The following ZNF410 variants were observed in gnomAD, a reference collection of about 807,000 sequenced individuals.
ZNF410 encodes the protein another partner for ARF 1.
Under a neutral mutation model 54.8 loss-of-function variants are expected in ZNF410, and 18 were observed. That is an observed-to-expected ratio of 0.33 (90% CI 0.23 to 0.49). The LOEUF is 0.49. ZNF410 is among the 20% of genes least tolerant of loss of function. ZNF410 has a pLI of 0.99. For synonymous variants in ZNF410, 191 were observed against 207.3 expected (o/e 0.92, Z 0.68); for missense variants, 405 against 569.6 (o/e 0.71, Z 2.94).
intron 9 of ZNF410, chr14:73,921,324 T>C (rs536880629): frequency 2.7e-4 from 125 of 462,204 alleles, no homozygotes; most frequent in Middle Eastern, 1.8e-3. Context: ...CGCCCACCAA[T>C]AAAACAAAGC....
At chr14:73,900,414 G>A (rs967165051) in intron 5 of ZNF410, among the ~76,000 whole-genome samples, 13 of 145,872 alleles carry the variant, frequency 8.9e-5, no homozygotes, top group African/African-American at 3.1e-4. Flanking sequence ...TCAGTCTGTC[G>A]CCCAGGCTGG....
chr14:73,900,951 T>C (rs1211212891), intron 5 of ZNF410, among the ~76,000 whole-genome samples: 1 of 152,234 alleles, frequency 6.6e-6, no homozygotes, highest in Non-Finnish European at 1.5e-5. Flanking sequence ...TTGGACACCC[T>C]TGCACTAACA....
At chr14:73,928,352 G>A (rs2055864506) in intron 11 of ZNF410, among the ~76,000 whole-genome samples, 1 of 152,098 alleles carries the variant, frequency 6.6e-6, no homozygotes, top group Non-Finnish European at 1.5e-5. Flanking sequence ...ATAGGGTTGA[G>A]TGTGATGGGA....
chr14:73,892,885 C>G (rs2055253762), intron 2 of ZNF410, among the ~76,000 whole-genome samples: 1 of 152,166 alleles, frequency 6.6e-6, no homozygotes, highest in Admixed American at 6.6e-5. Flanking sequence ...TCAAGACCAT[C>G]CTGCCTAACA....
At chr14:73,924,671 C>A (rs1312063304) in intron 11 of ZNF410, 1 of 445,818 alleles carries the variant, frequency 2.2e-6, no homozygotes, top group Non-Finnish European at 4.5e-6. Flanking sequence ...GTCTTTTCTC[C>A]TCTTTTCTTT....
chr14:73,901,257 A>T (rs1012873276), intron 5 of ZNF410, among the ~76,000 whole-genome samples: 4 of 152,214 alleles, frequency 2.6e-5, no homozygotes, highest in Non-Finnish European at 5.9e-5. Flanking sequence ...TACTATGGCA[A>T]AGCTGAGTAG....
chr14:73,923,633 G>A lies in ZNF410; in HGVS notation c.1398+111G>A, dbSNP rs530054935. 119 of 1,403,480 alleles carry A rather than the reference G, an allele frequency of 8.5e-5. 2 individuals carry two copies. In the South Asian group the frequency reaches 1.4e-3, roughly 16 times the overall value. The allele number at this position is 1,403,480 out of a possible 1,614,324, so 86.9% of individuals were successfully genotyped here. On this transcript the variant is annotated intron_variant, in intron 11 of 11. Coordinates refer to ENST00000555044, the MANE Select transcript of ZNF410 (RefSeq NM_021188.3). The stretch of plus-strand genomic sequence containing the variant: ...TTCCATTTCCTGGAAACTTTGGCAC[G>A]AATATTTTCCTTTAAATTAAGCATG...
At chr14:73,909,480 A>G (rs754892901) in intron 8 of ZNF410, 50 bp downstream of exon 8, 1 of 1,506,200 alleles carries the variant, frequency 6.6e-7, no homozygotes, top group Non-Finnish European at 9.2e-7. Flanking sequence ...AGACAAAAGA[A>G]TAAAAGGGTT....
intron 8 of ZNF410, chr14:73,920,653 A>G: frequency 4.2e-6 from 1 of 238,420 alleles, no homozygotes; most frequent in South Asian, 6.4e-5. Flanking sequence ...CACATGTCCT[A>G]GAGGTCCATG....
At chr14:73,911,409 G>T (rs781041827) in intron 8 of ZNF410, among the ~76,000 whole-genome samples, 3 of 152,210 alleles carry the variant, frequency 2.0e-5, no homozygotes, top group Non-Finnish European at 2.9e-5. Context: ...TGCAGCAGGA[G>T]CAAGGAAGTT....
chr14:73,889,408 C>T (rs1007854834), intron 1 of ZNF410, among the ~76,000 whole-genome samples: 2 of 134,794 alleles, frequency 1.5e-5, no homozygotes, highest in Admixed American at 8.5e-5. Context: ...CTCCAGCCTG[C>T]GTGACAGAGC....
chr14:73,906,502 A>G (rs1451222484), intron 7 of ZNF410: 1 of 151,746 alleles, frequency 6.6e-6, no homozygotes, highest in Non-Finnish European at 1.5e-5. Context: ...TATTTTTGAG[A>G]CGGAGTCTCA....
chr14:73,923,268 G>A, intron 10 of ZNF410, 127 bp from the exon 11 acceptor site: 1 of 1,100,650 alleles, frequency 9.1e-7, no homozygotes, highest in Non-Finnish European at 1.2e-6. Flanking sequence ...GATTAACTTG[G>A]AAGAAATAGA....
In ZNF410 at chr14:73,932,092, C is replaced by G. The variant is rs1303346968; in HGVS notation, c.*551C>G. 1 of 452,456 alleles carries G rather than the reference C, an allele frequency of 2.2e-6. No individual in the cohort carries two copies. The highest frequency in any genetic ancestry group is 4.5e-6 in the Non-Finnish European group (1 of 224,120). The allele number at this position is 452,456 out of a possible 1,614,324, so 28.0% of individuals were successfully genotyped here. ...CTGCAAAAAAATAAATTACTTGAAT[C>G]TCCCCTTGGCCCAGGCTGAGGTACT... On this transcript the variant is annotated 3_prime_UTR_variant, in exon 12 of 12. Coordinates refer to ENST00000555044, the MANE Select transcript of ZNF410 (RefSeq NM_021188.3).
At position 73,886,871 on chromosome 14, in the gene ZNF410, A is replaced by T. The variant is rs1403600384; in HGVS notation, c.-194A>T. 6.5e-6 allele frequency: 1 copy of T among 152,808 alleles called. No homozygotes were observed. The highest frequency in any genetic ancestry group is 2.4e-5 in the African/African-American group (1 of 41,442). The allele number at this position is 152,808 out of a possible 1,614,324, so 9.5% of individuals were successfully genotyped here. ...GCCGGAAGACGCTGTGTGTGGACGGAATTCGGGACCGACTGACGGCCGGCC... is the reference window on the plus strand; with the variant it reads ...GCCGGAAGACGCTGTGTGTGGACGGTATTCGGGACCGACTGACGGCCGGCC... On this transcript the variant is annotated 5_prime_UTR_variant, in exon 1 of 12. Transcript: ENST00000555044.
intron 7 of ZNF410, among the ~76,000 whole-genome samples, chr14:73,908,284 C>T (rs2055523114): frequency 6.6e-6 from 1 of 152,196 alleles, no homozygotes; most frequent in African/African-American, 2.4e-5. Flanking sequence ...CATGCCATTA[C>T]ATTCTTATGT....
intron 3 of ZNF410, among the ~76,000 whole-genome samples, chr14:73,894,672 C>T (rs1185930063): frequency 6.6e-6 from 1 of 152,120 alleles, no homozygotes; most frequent in Admixed American, 6.6e-5. Context: ...AGTGATCAGT[C>T]CGCCTTGGCC....
Position 73,931,620 on chromosome 14 carries a change from C to A in ZNF410, c.*79C>A. 2 of 1,309,144 alleles carry A rather than the reference C, an allele frequency of 1.5e-6. No homozygotes were observed. Among genetic ancestry groups the A allele is most frequent in the Admixed American group, 1.9e-5 (1 of 52,470 alleles). The allele number at this position is 1,309,144 out of a possible 1,614,324, so 81.1% of individuals were successfully genotyped here. A position where few individuals can be genotyped will look rare whatever the true frequency, so the allele number is the denominator to read the frequency against. ...ACTGGGAACAGGATGCCTTAGCCCA[C>A]AACAGAACCAGAATGAATCTTTGAA... is the stretch of plus-strand genomic sequence containing the variant. On this transcript the variant is annotated 3_prime_UTR_variant, in exon 12 of 12. Coordinates refer to ENST00000555044, the MANE Select transcript of ZNF410 (RefSeq NM_021188.3).
In ZNF410 at chr14:73,886,934, C is replaced by T. The variant is rs2055145937; in HGVS notation, c.-150+19C>T. On this transcript the variant is annotated intron_variant, in intron 1 of 11. Transcript: ENST00000555044. The stretch of plus-strand genomic sequence containing the variant: ...CTGGAAGGTGAGCTCCGAGGTGGGC[C>T]TGGCCACCCCTCCTCGGTTAGGTAG... The T allele has an allele frequency of 6.5e-6, 1 of 152,728 alleles. No homozygotes were observed. Among genetic ancestry groups the T allele is most frequent in the South Asian group, 2.1e-4 (1 of 4,836 alleles). The allele number at this position is 152,728 out of a possible 1,614,324, so 9.5% of individuals were successfully genotyped here.
Sources: allele counts gnomAD v4.1 joint callset (sites outside exome capture counted in the v4.1 genomes callset), GRCh38; gene constraint gnomAD v4.1.1; transcripts MANE v1.5; gene names NCBI Gene and HGNC (gene_info 2026-07-23, HGNC 2026-07-21).